Variants in CLTA observed in about 807,000 individuals in gnomAD.
The protein encoded by CLTA is clathrin, light polypeptide (Lca).
Under a neutral mutation model 26.9 loss-of-function variants are expected in CLTA, and 9 were observed. The ratio of observed to expected loss-of-function variants is 0.33; its 90% confidence interval spans 0.20 to 0.58. CLTA has a LOEUF of 0.58. CLTA is among the 20% of genes least tolerant of loss of function. The pLI is 0.85. For missense variants in CLTA, 278 were observed against 294.2 expected, an observed-to-expected ratio of 0.94 and a Z score of 0.40; for synonymous variants, 120 against 115.5, an observed-to-expected ratio of 1.04 and a Z score of -0.25.
At chr9:36,201,400 T>C (rs1827392529) in intron 3 of CLTA, among the ~76,000 whole-genome samples, 1 of 152,174 alleles carries the variant, frequency 6.6e-6, no homozygotes, top group South Asian at 2.1e-4. Context: ...TGAATGTGCT[T>C]TGCTCTCTAA....
At position 36,191,290 on chromosome 9, in the gene CLTA, GT is replaced by G; in HGVS notation, c.217+20del. ...GGGGTCCGGGTGAGAGTGCGGGCGC[GT>G]TTGGGGCGAGAGGACTTGTCTGGAA... On this transcript the variant is annotated intron_variant, in intron 1 of 4. Coordinates refer to ENST00000345519, the MANE Select transcript of CLTA (RefSeq NM_001833.4). 3 of 1,497,740 alleles carry G rather than the reference GT, an allele frequency of 2.0e-6. No homozygotes were observed. Among genetic ancestry groups the G allele is most frequent in the Non-Finnish European group, 2.7e-6 (3 of 1,131,782 alleles). The allele number at this position is 1,497,740 out of a possible 1,614,324, so 92.8% of individuals were successfully genotyped here.
chr9:36,196,249 C>G (rs942214836), intron 1 of CLTA, among the ~76,000 whole-genome samples: 34 of 151,416 alleles, frequency 2.2e-4, no homozygotes, highest in Admixed American at 8.5e-4. Context: ...CACCACTGTA[C>G]TCTAGCCTGG....
intron 3 of CLTA, among the ~76,000 whole-genome samples, chr9:36,203,537 A>G (rs1396925798): frequency 2.6e-5 from 4 of 152,218 alleles, no homozygotes; most frequent in South Asian, 2.1e-4. Context: ...TGCTTCTACC[A>G]TATTTAGTTA....
intron 1 of CLTA, 147 bp downstream of exon 1, chr9:36,191,420 C>T (rs1826710672): frequency 1.0e-6 from 1 of 1,001,310 alleles, no homozygotes; most frequent in Non-Finnish European, 1.4e-6. Context: ...CTGGCCCGGT[C>T]TTTCAGAAAC....
intron 3 of CLTA, among the ~76,000 whole-genome samples, chr9:36,203,291 A>G (rs185850025): frequency 6.6e-6 from 1 of 152,330 alleles, no homozygotes; most frequent in Non-Finnish European, 1.5e-5. Context: ...TGTCATTTCT[A>G]GAACCTTTAG....
chr9:36,204,375 T>C (rs1315657147), intron 4 of CLTA, among the ~76,000 whole-genome samples, 196 bp downstream of exon 4: 1 of 152,208 alleles, frequency 6.6e-6, no homozygotes, highest in African/African-American at 2.4e-5. Flanking sequence ...GCCATCCCAA[T>C]TGTAGTGAGC....
chr9:36,208,327 C>G lies in CLTA; in HGVS notation c.486-3276C>G, dbSNP rs968345923. Reference sequence around the variant, plus strand: ...CAAAATTTATCCACCCAGTCTGCCCCCTCCTTCCTGTCTGAGAGCCCTGCC... The same window carrying G: ...CAAAATTTATCCACCCAGTCTGCCCGCTCCTTCCTGTCTGAGAGCCCTGCC... On this transcript the variant is annotated intron_variant, in intron 4 of 4. Transcript: ENST00000345519. Among the ~76,000 whole-genome samples the G allele has an allele frequency of 2.6e-5, 4 of 152,174 alleles. No individual in the cohort carries two copies. The East Asian group carries it at 5.8e-4, about 22-fold the overall frequency.
At chr9:36,207,299 C>T (rs1218566782) in intron 4 of CLTA, among the ~76,000 whole-genome samples, 1 of 152,238 alleles carries the variant, frequency 6.6e-6, no homozygotes, top group African/African-American at 2.4e-5. Flanking sequence ...GCCAGCCAGC[C>T]AGAGCAGTGA....
At chr9:36,197,098 C>G (rs1827095819) in intron 1 of CLTA, among the ~76,000 whole-genome samples, 1 of 152,166 alleles carries the variant, frequency 6.6e-6, no homozygotes. Context: ...TCGCTTGAGC[C>G]CAAAAGGTCG....
intron 4 of CLTA, among the ~76,000 whole-genome samples, chr9:36,210,162 A>G (rs750619558): frequency 6.6e-5 from 10 of 150,718 alleles, no homozygotes; most frequent in Non-Finnish European, 1.2e-4. Flanking sequence ...GAAGAGTTGG[A>G]AACAGTTCTC....
rs114949478 is a variant in CLTA, at chr9:36,197,089, C to T, written c.218-462C>T. Among the ~76,000 whole-genome samples, 720 of 152,286 alleles carry T rather than the reference C, an allele frequency of 4.7e-3. 8 individuals are homozygous for T. The highest frequency in any genetic ancestry group is 0.016 in the African/African-American group (668 of 41,538). Reference sequence around the variant, plus strand: ...CCTGTGGGGACTGAGGTGGGAGGTTCGCTTGAGCCCAAAAGGTCGAGGCTA... The same window carrying T: ...CCTGTGGGGACTGAGGTGGGAGGTTTGCTTGAGCCCAAAAGGTCGAGGCTA... On this transcript the variant is annotated intron_variant, in intron 1 of 4. Transcript: ENST00000345519.
rs201357874 is a variant in CLTA at position 36,201,941 on chromosome 9, ATC to A, written c.374-2123_374-2122del. Among the ~76,000 whole-genome samples, 899 of 151,664 alleles carry A rather than the reference ATC, an allele frequency of 5.9e-3. 7 individuals carry two copies. The highest frequency in any genetic ancestry group is 0.02 in the African/African-American group (846 of 41,302). The stretch of plus-strand genomic sequence containing the variant: ...AGCCTGGGCACCATAGTGAGACCCT[ATC>A]TCTACTAAAAAAAAAAAATTAGCTG... On this transcript the variant is annotated intron_variant, in intron 3 of 4. Transcript: ENST00000345519.
intron 4 of CLTA, among the ~76,000 whole-genome samples, chr9:36,204,723 C>G (rs375489486): frequency 6.6e-6 from 1 of 151,492 alleles, no homozygotes; most frequent in African/African-American, 2.4e-5. Context: ...TAAAAATGTT[C>G]TGTTTGAAAT....
At chr9:36,195,929 G>A (rs2132865756) in intron 1 of CLTA, among the ~76,000 whole-genome samples, 1 of 152,008 alleles carries the variant, frequency 6.6e-6, no homozygotes, top group East Asian at 1.9e-4. Context: ...GATCGCGCCA[G>A]TGTACTCTAG....
intron 4 of CLTA, chr9:36,210,728 G>A (rs548446012): frequency 6.3e-7 from 1 of 1,585,704 alleles, no homozygotes; most frequent in East Asian, 2.2e-5. Flanking sequence ...TAGTGGCTCT[G>A]GGCTTCAGCG....
rs186683951 is a variant in CLTA, at chr9:36,191,284, G to C, written c.217+11G>C. On this transcript the variant is annotated intron_variant, in intron 1 of 4. Coordinates refer to ENST00000345519, the MANE Select transcript of CLTA (RefSeq NM_001833.4). Reference sequence around the variant, plus strand: ...CGCCGGGGGGTCCGGGTGAGAGTGCGGGCGCGTTTGGGGCGAGAGGACTTG... The same window carrying C: ...CGCCGGGGGGTCCGGGTGAGAGTGCCGGCGCGTTTGGGGCGAGAGGACTTG... 3.5e-5 allele frequency: 53 copies of C among 1,504,336 alleles called. No homozygotes were observed. In the African/African-American group the frequency reaches 6.5e-4, roughly 19 times the overall value. 93.2% of individuals were successfully genotyped at this position (1,504,336 alleles called of 1,614,324 possible). A position where few individuals can be genotyped will look rare whatever the true frequency, so the allele number is the denominator to read the frequency against.
intron 1 of CLTA, among the ~76,000 whole-genome samples, chr9:36,193,274 G>C (rs1343189168): frequency 6.6e-6 from 1 of 151,802 alleles, no homozygotes; most frequent in African/African-American, 2.4e-5. Context: ...GGAGTTTAGA[G>C]AACTGATTGG....
chr9:36,198,959 C>G lies in CLTA; in HGVS notation c.256-20C>G, dbSNP rs1367711851. 6 of 1,549,046 alleles carry G rather than the reference C, an allele frequency of 3.9e-6. No individual in the cohort carries two copies. In the African/African-American group the frequency reaches 4.1e-5, roughly 11 times the overall value. On this transcript the variant is annotated intron_variant, in intron 2 of 4. Coordinates refer to ENST00000345519, the MANE Select transcript of CLTA (RefSeq NM_001833.4). ...AGGAATTTTTGGTATTAATATAGCACAATTGTGTTTTGTGTTAAGGAAAGT... is the reference window on the plus strand; with the variant it reads ...AGGAATTTTTGGTATTAATATAGCAGAATTGTGTTTTGTGTTAAGGAAAGT...
rs1272955598 is a variant in CLTA, at chr9:36,197,596, G to A, written c.255+8G>A. The A allele has an allele frequency of 6.3e-7, 1 of 1,592,592 alleles. No homozygotes were observed. The highest frequency in any genetic ancestry group is 2.2e-5 in the East Asian group (1 of 44,650). Reference sequence around the variant, plus strand: ...AATGGTGAATACTACCAGGTACAGAGTACTCTGATTCTGTTCATTGATAGT... The same window carrying A: ...AATGGTGAATACTACCAGGTACAGAATACTCTGATTCTGTTCATTGATAGT... On this transcript the variant is annotated splice_region_variant and intron_variant, in intron 2 of 4. Transcript: ENST00000345519.
Sources: gnomAD v4.1 joint callset for allele counts (sites outside exome capture counted in the v4.1 genomes callset) on GRCh38, gnomAD v4.1.1 for gene constraint, MANE v1.5 for transcripts, NCBI Gene and HGNC (gene_info 2026-07-23, HGNC 2026-07-21) for gene names.